USP44: variants seen among roughly 807,000 people sequenced by gnomAD.
USP44 encodes ubiquitin carboxyl-terminal hydrolase 44.
In USP44, 61 loss-of-function variants were observed where a neutral mutation model predicts 69.0. The observed-to-expected ratio is 0.88, with a 90% CI of 0.72 to 1.09. The LOEUF (loss-of-function observed/expected upper bound fraction) is 1.09, where lower values mean the gene tolerates loss of function less well. Among genes scored for constraint, USP44 ranks in the 50% least tolerant of loss-of-function variants. The probability of loss-of-function intolerance (pLI) is 0.00; values close to 1 mark genes in which losing one functional copy is unlikely to be tolerated. For missense variants in USP44, 753 were observed against 849.9 expected, an observed-to-expected ratio of 0.89 and a Z score of 1.42; for synonymous variants, 297 against 295.4, an observed-to-expected ratio of 1.01 and a Z score of -0.06.
chr12:95,540,168 G>T (rs2077342004), intron 1 of USP44, among the ~76,000 whole-genome samples: 1 of 152,100 alleles, frequency 6.6e-6, no homozygotes, highest in African/African-American at 2.4e-5. Flanking sequence ...TTTACCCTTA[G>T]CCCTAACCTT....
intron 1 of USP44, among the ~76,000 whole-genome samples, chr12:95,540,778 AAACTGGTCTCCCATC>A (rs1336698883): frequency 6.6e-6 from 1 of 152,220 alleles, no homozygotes; most frequent in Non-Finnish European, 1.5e-5. Flanking sequence ...GGTAGCCTCC[AAACTGGTCTCCCATC>A]ATCTGGATTG....
In USP44 at chr12:95,529,950, C is replaced by T. The variant is rs150739270; in HGVS notation, c.1429-948G>A. Among the ~76,000 whole-genome samples the T allele has an allele frequency of 8.3e-4, 126 of 152,188 alleles. 1 individual carries two copies. In the East Asian group the frequency reaches 0.022, roughly 27 times the overall value. ...AATCCCCATCCAAACACAGAAAACA[C>T]GAAAAACATGGAGCTGTTTTAACAA... is the stretch of plus-strand genomic sequence containing the variant. On this transcript the variant is annotated intron_variant, in intron 2 of 5. Coordinates refer to ENST00000258499, the MANE Select transcript of USP44 (RefSeq NM_032147.5).
In USP44 at chr12:95,533,194, C is replaced by A; in HGVS notation, c.1063G>T (p.Gly355Ter). The change falls in exon 2 of 6, where the codon GGA becomes TGA. Residue 355 changes from glycine to a stop codon, truncating the protein, a stop_gained. Transcript: ENST00000258499. LOFTEE classifies it high-confidence loss of function. Reference protein sequence around the residue: ...VCSRQSSLSSGLSGGASKGRK... With the variant: ...VCSRQSSLSS ...CCTTTTGATGCTCCACCACTTAGTC[C>A]TGATGACAGACTTGATTGTCTGGAG... The A allele has an allele frequency of 6.2e-7, 1 of 1,614,140 alleles. No homozygotes were observed. The highest frequency in any genetic ancestry group is 1.1e-5 in the South Asian group (1 of 91,076).
chr12:95,521,120 T>C lies in USP44; in HGVS notation c.1816A>G (p.Arg606Gly), dbSNP rs771397922. 2.5e-6 allele frequency: 4 copies of C among 1,614,110 alleles called. No individual in the cohort carries two copies. Among genetic ancestry groups the C allele is most frequent in the Non-Finnish European group, 3.4e-6 (4 of 1,180,044 alleles). Reference protein sequence around the residue: ...EILNMEPYCCRETLKSLRPEC... With the variant: ...EILNMEPYCCGETLKSLRPEC... The stretch of plus-strand genomic sequence containing the variant: ...GGTCTGAGGGATTTCAGGGTCTCCC[T>C]GCAGCAATAGGGCTCCATGTTTAAG... Residue 606 changes from arginine (R) to glycine (G), a missense_variant, in exon 5 of 6, where the codon AGG becomes GGG. By Grantham distance (125) the Arg-to-Gly change is moderately radical (BLOSUM62 -2). Transcript: ENST00000258499.
chr12:95,527,571 G>T (rs139142042), intron 3 of USP44, among the ~76,000 whole-genome samples: 3 of 151,794 alleles, frequency 2.0e-5, no homozygotes, highest in African/African-American at 7.2e-5. Context: ...TGCAACCTCC[G>T]CCTCCTGGGT....
intron 1 of USP44, among the ~76,000 whole-genome samples, chr12:95,538,113 C>G (rs1317022227): frequency 6.6e-6 from 1 of 152,132 alleles, no homozygotes; most frequent in Non-Finnish European, 1.5e-5. Flanking sequence ...TGTCATCTAT[C>G]TGAGACATCA....
intron 1 of USP44, among the ~76,000 whole-genome samples, chr12:95,542,940 T>C (rs1473485923): frequency 2.7e-5 from 4 of 148,918 alleles, no homozygotes; most frequent in Non-Finnish European, 5.9e-5. Flanking sequence ...TACAAAAAAT[T>C]AGCCAGGTAT....
At chr12:95,546,235 T>C (rs560652229) in intron 1 of USP44, among the ~76,000 whole-genome samples, 8 of 152,240 alleles carry the variant, frequency 5.3e-5, no homozygotes, top group African/African-American at 1.9e-4. Flanking sequence ...GTCTGAAAAA[T>C]TGAATTCAAA....
intron 1 of USP44, among the ~76,000 whole-genome samples, chr12:95,550,034 C>T (rs1362038030): frequency 6.6e-6 from 1 of 151,976 alleles, no homozygotes; most frequent in Non-Finnish European, 1.5e-5. Context: ...CAAAAATTAT[C>T]CGGGCCTGGT....
intron 4 of USP44, among the ~76,000 whole-genome samples, chr12:95,524,322 T>C (rs1228432859): frequency 4.6e-5 from 7 of 151,488 alleles, no homozygotes; most frequent in Admixed American, 4.6e-4. Flanking sequence ...CCTCAGGTGA[T>C]CCACCTGCCT....
chr12:95,526,693 C>T (rs1451229467), intron 3 of USP44, among the ~76,000 whole-genome samples: 5 of 152,070 alleles, frequency 3.3e-5, no homozygotes, highest in Non-Finnish European at 7.4e-5. Flanking sequence ...AACATTTCTT[C>T]AATGTGGGAA....
rs2077628740 is a variant in USP44 at position 95,548,021 on chromosome 12, G to C, written c.-71+3251C>G. On this transcript the variant is annotated intron_variant, in intron 1 of 5. Coordinates refer to ENST00000258499, the MANE Select transcript of USP44 (RefSeq NM_032147.5). The surrounding 1 kb of genome is among the most constrained non-coding windows in gnomAD (Gnocchi z 4.1). ...TGAACGTATTAACAGGTTCCCCTCCGCGCACACTGACATATTTCTTATCCC... is the reference window on the plus strand; with the variant it reads ...TGAACGTATTAACAGGTTCCCCTCCCCGCACACTGACATATTTCTTATCCC... 6.6e-6 allele frequency: 1 copy of C among 152,062 alleles called. No homozygotes were observed. The highest frequency in any genetic ancestry group is 1.5e-5 in the Non-Finnish European group (1 of 68,042). 9.4% of individuals were successfully genotyped at this position (152,062 alleles called of 1,614,324 possible).
intron 1 of USP44, among the ~76,000 whole-genome samples, chr12:95,549,675 A>G (rs1040965938): frequency 2.0e-5 from 3 of 152,344 alleles, no homozygotes; most frequent in African/African-American, 4.8e-5. Flanking sequence ...CAATACATCA[A>G]TGCAGTGCAA....
Position 95,532,935 on chromosome 12 carries a change from G to A in USP44, c.1322C>T (p.Thr441Ile), listed in dbSNP as rs770468627. The A allele has an allele frequency of 2.5e-6, 4 of 1,614,056 alleles. No individual in the cohort carries two copies. Among genetic ancestry groups the A allele is most frequent in the Non-Finnish European group, 1.7e-6 (2 of 1,180,034 alleles). Residue 441 changes from threonine to isoleucine, a missense_variant, in exon 2 of 6, where the codon ACA (threonine) becomes ATA (isoleucine). By Grantham distance (89) the Thr-to-Ile change is moderately conservative (BLOSUM62 -1). Transcript: ENST00000258499. ...AAGAGCTGGTAAACTGGTACCAGTTGTCTCTAATTCACGTTGTATTTTATC... is the reference window on the plus strand; with the variant it reads ...AAGAGCTGGTAAACTGGTACCAGTTATCTCTAATTCACGTTGTATTTTATC... ...LLDKIQRELE[T>I]TGTSLPALIP...
chr12:95,538,800 C>G (rs548799474), intron 1 of USP44, among the ~76,000 whole-genome samples: 1 of 152,314 alleles, frequency 6.6e-6, no homozygotes, highest in South Asian at 2.1e-4. Flanking sequence ...TCTCATCACA[C>G]AAAGATCTAA....
In USP44 at chr12:95,548,131, C is replaced by A. The variant is rs11108101; in HGVS notation, c.-71+3141G>T. On this transcript the variant is annotated intron_variant, in intron 1 of 5. Coordinates refer to ENST00000258499, the MANE Select transcript of USP44 (RefSeq NM_032147.5). This position sits in a 1 kb window ranked among gnomAD's most constrained non-coding sequence, Gnocchi z 4.1. ...AGGAAGCTGATTTTCAAGCTTTAAG[C>A]GGCAGCAGGTGCCGGCAGCGCGGGG... The A allele has an allele frequency of 0.5, 76,304 of 152,010 alleles. 19,367 individuals carry two copies. The highest frequency in any genetic ancestry group is 0.67 in the East Asian group (3,460 of 5,154). The allele number at this position is 152,010 out of a possible 1,614,324, so 9.4% of individuals were successfully genotyped here. A position where few individuals can be genotyped will look rare whatever the true frequency, so the allele number is the denominator to read the frequency against.
chr12:95,534,376 T>C (rs2077130571), intron 1 of USP44, 50 bp from the exon 2 acceptor site: 2 of 989,470 alleles, frequency 2.0e-6, no homozygotes, highest in Admixed American at 2.9e-5. Flanking sequence ...ATATTTTTCA[T>C]ATTTTTTCCC....
chr12:95,538,615 C>T (rs956401491), intron 1 of USP44, among the ~76,000 whole-genome samples: 1 of 151,994 alleles, frequency 6.6e-6, no homozygotes, highest in Admixed American at 6.6e-5. Flanking sequence ...TGACGGATCA[C>T]GAGATTAATA....
intron 1 of USP44, among the ~76,000 whole-genome samples, chr12:95,550,462 T>C (rs909391230): frequency 1.3e-5 from 2 of 152,150 alleles, no homozygotes; most frequent in Admixed American, 1.3e-4. Context: ...ACTCAAAACA[T>C]CTAACCTCTA....
Sources: allele counts gnomAD v4.1 joint callset (sites outside exome capture counted in the v4.1 genomes callset), GRCh38; gene constraint gnomAD v4.1.1; non-coding constraint Gnocchi (gnomAD v3.1); transcripts MANE v1.5; gene names NCBI Gene and HGNC (gene_info 2026-07-23, HGNC 2026-07-21).